RBKS: variants seen among roughly 807,000 people sequenced by gnomAD.
RBKS encodes ribokinase.
Under a neutral mutation model 33.9 loss-of-function variants are expected in RBKS, and 33 were observed. The observed-to-expected ratio is 0.97, with a 90% CI of 0.74 to 1.30. The LOEUF (loss-of-function observed/expected upper bound fraction) is 1.30, where lower values mean the gene tolerates loss of function less well. Among genes scored for constraint, RBKS ranks in the 50% most tolerant of loss-of-function variants. RBKS has a pLI of 0.00. For synonymous variants in RBKS, 125 were observed against 143.0 expected, an observed-to-expected ratio of 0.87 and a Z score of 0.90; for missense variants, 361 against 392.6, an observed-to-expected ratio of 0.92 and a Z score of 0.68.
chr2:27,868,634 C>T (rs1036817039), intron 1 of RBKS, among the ~76,000 whole-genome samples: 2 of 152,146 alleles, frequency 1.3e-5, no homozygotes, highest in African/African-American at 4.8e-5. Context: ...CATCCCTTTC[C>T]ACCACTTCTT....
chr2:27,883,999 C>A (rs77162076), intron 1 of RBKS, among the ~76,000 whole-genome samples: 1 of 152,146 alleles, frequency 6.6e-6, no homozygotes, highest in African/African-American at 2.4e-5. Context: ...AACTGATAAG[C>A]AACTTTTCAG....
chr2:27,887,442 C>T (rs186869846), intron 1 of RBKS, among the ~76,000 whole-genome samples: 2 of 152,300 alleles, frequency 1.3e-5, no homozygotes, highest in East Asian at 3.9e-4. Context: ...TAATTTGTTA[C>T]AGCAGCAGTA....
At position 27,847,114 on chromosome 2, in the gene RBKS, A is replaced by T; in HGVS notation, c.287-10T>A. The T allele has an allele frequency of 6.5e-7, 1 of 1,540,664 alleles. No homozygotes were observed. The highest frequency in any genetic ancestry group is 9.0e-7 in the Non-Finnish European group (1 of 1,114,170). On this transcript the variant is annotated splice_polypyrimidine_tract_variant and intron_variant, in intron 3 of 7. Coordinates refer to ENST00000302188, the MANE Select transcript of RBKS (RefSeq NM_022128.3). ...GTCTGATATGTAAATTCTGAAAGAA[A>T]AAAGAAAATTACAATCACATGTATA...
intron 1 of RBKS, among the ~76,000 whole-genome samples, chr2:27,865,548 T>G (rs1664083437): frequency 6.6e-6 from 1 of 151,300 alleles, no homozygotes; most frequent in South Asian, 2.1e-4. Context: ...GTGTGTTATA[T>G]TCTACCTTCC....
chr2:27,830,706 T>C lies in RBKS; in HGVS notation c.606+1980A>G, dbSNP rs73923922. On this transcript the variant is annotated intron_variant, in intron 6 of 7. Coordinates refer to ENST00000302188, the MANE Select transcript of RBKS (RefSeq NM_022128.3). ...ATGTGCAGGTACAGTGTAGCAGATG[T>C]TATTTTCCAAAGATAACTGTATTAA... Among the ~76,000 whole-genome samples, 597 of 152,342 alleles carry C rather than the reference T, an allele frequency of 3.9e-3. 5 individuals are homozygous for C. The highest frequency in any genetic ancestry group is 0.014 in the African/African-American group (569 of 41,578).
intron 1 of RBKS, among the ~76,000 whole-genome samples, chr2:27,871,518 T>G (rs1352791997): frequency 6.6e-6 from 1 of 152,182 alleles, no homozygotes; most frequent in Non-Finnish European, 1.5e-5. Context: ...TCCCCCCTTT[T>G]CAAAGAAGCT....
intron 7 of RBKS, among the ~76,000 whole-genome samples, chr2:27,811,292 C>T (rs1401398676): frequency 6.6e-6 from 1 of 152,204 alleles, no homozygotes; most frequent in African/African-American, 2.4e-5. Context: ...ATTCCAAGCT[C>T]TTTGTGGCCA....
intron 1 of RBKS, among the ~76,000 whole-genome samples, chr2:27,859,959 T>C (rs1296237785): frequency 1.3e-5 from 2 of 152,184 alleles, no homozygotes; most frequent in African/African-American, 4.8e-5. Flanking sequence ...GCTCAACCTG[T>C]TAACCTCCTT....
intron 7 of RBKS, among the ~76,000 whole-genome samples, chr2:27,814,403 G>A (rs1450354202): frequency 6.6e-6 from 1 of 152,122 alleles, no homozygotes; most frequent in Non-Finnish European, 1.5e-5. Context: ...ACTGTTTAGT[G>A]TGGTTGAAAT....
At chr2:27,865,137 G>A (rs1253075323) in intron 1 of RBKS, among the ~76,000 whole-genome samples, 2 of 152,118 alleles carry the variant, frequency 1.3e-5, no homozygotes, top group South Asian at 2.1e-4. Flanking sequence ...TGGCTAACAC[G>A]GTGAAACCTC....
chr2:27,793,892 G>A (rs1470710325), intron 7 of RBKS, among the ~76,000 whole-genome samples: 1 of 152,168 alleles, frequency 6.6e-6, no homozygotes, highest in East Asian at 1.9e-4. Flanking sequence ...TTGAGAGAAA[G>A]CAATAAAACA....
chr2:27,874,977 C>A (rs1297358592), intron 1 of RBKS, among the ~76,000 whole-genome samples: 1 of 152,174 alleles, frequency 6.6e-6, no homozygotes, highest in Non-Finnish European at 1.5e-5. Context: ...TTTCTTTGAA[C>A]TGTCTTGTTT....
chr2:27,827,465 A>G (rs1678333862), intron 7 of RBKS, 102 bp downstream of exon 7: 2 of 1,001,434 alleles, frequency 2.0e-6, no homozygotes, highest in Admixed American at 3.0e-5. Flanking sequence ...ATCACTTACT[A>G]GGGCTTTGTT....
At chr2:27,860,415 T>A (rs574333158) in intron 1 of RBKS, among the ~76,000 whole-genome samples, 1 of 152,190 alleles carries the variant, frequency 6.6e-6, no homozygotes. Context: ...AGAAAAAATA[T>A]ACCATGTGGC....
chr2:27,888,286 C>T (rs1242279503), intron 1 of RBKS, among the ~76,000 whole-genome samples: 1 of 152,126 alleles, frequency 6.6e-6, no homozygotes, highest in Non-Finnish European at 1.5e-5. Context: ...AGCTACCATG[C>T]CCAGCTAATT....
At chr2:27,859,819 A>T (rs1663935592) in intron 1 of RBKS, among the ~76,000 whole-genome samples, 1 of 152,246 alleles carries the variant, frequency 6.6e-6, no homozygotes, top group Non-Finnish European at 1.5e-5. Context: ...AATTTTCCAC[A>T]TAGGTTGTGA....
chr2:27,843,140 T>G lies in RBKS; in HGVS notation c.441A>C (p.Lys147Asn). The G allele has an allele frequency of 6.2e-7, 1 of 1,611,994 alleles. No individual in the cohort carries two copies. The highest frequency in any genetic ancestry group is 8.5e-7 in the Non-Finnish European group (1 of 1,179,050). The change falls in exon 5 of 8, where the codon AAA (lysine) becomes AAC (asparagine). Residue 147 changes from lysine (K) to asparagine (N), a missense_variant. By Grantham distance (94) the Lys-to-Asn change is moderately conservative. Transcript: ENST00000302188. ...RAAANVISRA[K>N]VMVCQLEITP... The stretch of plus-strand genomic sequence containing the variant: ...TTATTTCGAGCTGGCAGACCATGAC[T>G]TTGGCTCTGCTAATGACATTGGCTG...
intron 6 of RBKS, among the ~76,000 whole-genome samples, chr2:27,829,691 C>T (rs1678384071): frequency 6.6e-6 from 1 of 152,146 alleles, no homozygotes; most frequent in Non-Finnish European, 1.5e-5. Flanking sequence ...AGTAGCTTCC[C>T]CCAGGTACAC....
At chr2:27,831,719 G>C (rs977783083) in intron 6 of RBKS, among the ~76,000 whole-genome samples, 2 of 152,118 alleles carry the variant, frequency 1.3e-5, no homozygotes, top group African/African-American at 4.8e-5. Flanking sequence ...ATTTAGCCCA[G>C]GAGTTCGAGA....
Sources: allele counts gnomAD v4.1 joint callset (sites outside exome capture counted in the v4.1 genomes callset), GRCh38; gene constraint gnomAD v4.1.1; transcripts MANE v1.5; gene names NCBI Gene and HGNC (gene_info 2026-07-23, HGNC 2026-07-21).